Variants in NRG3 observed in about 807,000 individuals in gnomAD.
NRG3 encodes the protein neuregulin 3.
Under a neutral mutation model 66.9 loss-of-function variants are expected in NRG3, and 31 were observed. The ratio of observed to expected loss-of-function variants is 0.46; its 90% CI spans 0.35 to 0.63. NRG3 has a LOEUF of 0.63. Among genes scored for constraint, NRG3 ranks in the 20% least tolerant of loss-of-function variants. The pLI is 0.00. For synonymous variants in NRG3, 393 were observed against 359.4 expected, an observed-to-expected ratio of 1.09 and a Z score of -1.06; for missense variants, 910 against 878.9, an observed-to-expected ratio of 1.04 and a Z score of -0.45.
rs1842768461 is a variant in NRG3, at chr10:82,487,354, A to AT, written c.953+128488dup. On this transcript the variant is annotated intron_variant, in intron 2 of 8. Coordinates refer to ENST00000372141, the MANE Select transcript of NRG3 (RefSeq NM_001010848.4). Reference sequence around the variant, plus strand: ...TTTCCAGTGACTAATTTATGTCTACATTGGGAGGAATGTGTAAGTCTAATA... The same window carrying AT: ...TTTCCAGTGACTAATTTATGTCTACATTTGGGAGGAATGTGTAAGTCTAATA... Among the ~76,000 whole-genome samples, 3 of 152,056 alleles carry AT rather than the reference A, an allele frequency of 2.0e-5. No homozygotes were observed. The South Asian group carries it at 6.2e-4, about 32-fold the overall frequency.
intron 1 of NRG3, among the ~76,000 whole-genome samples, chr10:82,028,115 A>G (rs2062400325): frequency 6.6e-6 from 1 of 152,074 alleles, no homozygotes; most frequent in African/African-American, 2.4e-5. Context: ...TAGTAAGTGA[A>G]ATTCTGAAGT....
chr10:82,278,969 C>G (rs368989592), intron 1 of NRG3, among the ~76,000 whole-genome samples: 3 of 152,076 alleles, frequency 2.0e-5, no homozygotes, highest in Non-Finnish European at 4.4e-5. Context: ...GTCCTATGTG[C>G]TTCTTTTACG....
chr10:82,536,678 A>T (rs1175347828), intron 2 of NRG3, among the ~76,000 whole-genome samples: 1 of 152,060 alleles, frequency 6.6e-6, no homozygotes, highest in Non-Finnish European at 1.5e-5. Flanking sequence ...GATGGAATGA[A>T]TTACCATGTT....
At chr10:81,951,028 T>G (rs1023864931) in intron 1 of NRG3, among the ~76,000 whole-genome samples, 2 of 152,184 alleles carry the variant, frequency 1.3e-5, no homozygotes, top group African/African-American at 4.8e-5. Context: ...ATCGAATATC[T>G]GGATTTGACC....
intron 2 of NRG3, among the ~76,000 whole-genome samples, chr10:82,666,916 T>C (rs573337136): frequency 6.6e-6 from 1 of 152,348 alleles, no homozygotes; most frequent in African/African-American, 2.4e-5. Flanking sequence ...ATACATTATA[T>C]ATACAGAGTG....
At chr10:82,525,386 C>T (rs1846600251) in intron 2 of NRG3, among the ~76,000 whole-genome samples, 1 of 151,784 alleles carries the variant, frequency 6.6e-6, no homozygotes, top group Admixed American at 6.6e-5. Context: ...AGGAAATCCT[C>T]CTAACGTTGA....
At chr10:82,772,592 G>C in intron 3 of NRG3, among the ~76,000 whole-genome samples, 1 of 151,064 alleles carries the variant, frequency 6.6e-6, no homozygotes, top group East Asian at 2.0e-4. Context: ...TTTTCTGTCT[G>C]TGTTTGGCTT....
chr10:82,806,786 A>G (rs2061304196), intron 3 of NRG3, among the ~76,000 whole-genome samples: 1 of 152,210 alleles, frequency 6.6e-6, no homozygotes, highest in Non-Finnish European at 1.5e-5. Context: ...CATAGTACTT[A>G]GGTAAGTCTC....
Position 82,877,537 on chromosome 10 carries a change from CTTTTTT to C in NRG3, c.1054+12118_1054+12123del, listed in dbSNP as rs61471998. 1.3e-4 allele frequency among the ~76,000 whole-genome samples: 10 copies of C among 74,968 alleles called. No individual in the cohort carries two copies. The East Asian group carries it at 2.1e-3, about 16-fold the overall frequency. The allele number at this position is 74,968 out of a possible 152,430, so 49.2% of individuals were successfully genotyped here. ...TACAGGTGCCTGCCACCACACCCGG[CTTTTTT>C]TTTTTTTTTTTTTTTTTGGATTTTT... On this transcript the variant is annotated intron_variant, in intron 4 of 8. Transcript: ENST00000372141.
intron 1 of NRG3, among the ~76,000 whole-genome samples, chr10:81,979,187 CAAAAA>C (rs34468792): frequency 1.9e-3 from 153 of 81,970 alleles, no homozygotes; most frequent in African/African-American, 3.9e-3. Context: ...GACTCCGTCT[CAAAAA>C]AAAAAAAAAA....
At chr10:82,956,265 A>G (rs535624473) in intron 5 of NRG3, among the ~76,000 whole-genome samples, 1 of 152,068 alleles carries the variant, frequency 6.6e-6, no homozygotes, top group South Asian at 2.1e-4. Flanking sequence ...CCACACTGAC[A>G]CTGTTGGGCT....
intron 3 of NRG3, among the ~76,000 whole-genome samples, chr10:82,781,026 G>A (rs556697599): frequency 1.3e-5 from 2 of 152,206 alleles, no homozygotes; most frequent in East Asian, 1.9e-4. Flanking sequence ...CTGCTTTTTC[G>A]TACTGATTTG....
At chr10:82,945,269 C>G (rs983054589) in intron 4 of NRG3, among the ~76,000 whole-genome samples, 1 of 152,072 alleles carries the variant, frequency 6.6e-6, no homozygotes, top group East Asian at 1.9e-4. Flanking sequence ...AATCAGAATA[C>G]CTACATATCA....
Position 82,450,079 on chromosome 10 carries a change from T to G in NRG3, c.953+91211T>G, listed in dbSNP as rs1194625623. 2.6e-5 allele frequency among the ~76,000 whole-genome samples: 4 copies of G among 152,364 alleles called. No homozygotes were observed. The East Asian group carries it at 7.7e-4, about 29-fold the overall frequency. On this transcript the variant is annotated intron_variant, in intron 2 of 8. Coordinates refer to ENST00000372141, the MANE Select transcript of NRG3 (RefSeq NM_001010848.4). ...TCTGTAGAAAAATAAGTTTGAGATA[T>G]GCTTTTACTTTTATACATCAAGTTC...
chr10:82,334,683 A>G (rs1003617082), intron 1 of NRG3, among the ~76,000 whole-genome samples: 4 of 152,216 alleles, frequency 2.6e-5, no homozygotes, highest in African/African-American at 9.7e-5. Context: ...GGTGGATGCA[A>G]ATATCACTGA....
chr10:82,693,184 C>A (rs561729746), intron 2 of NRG3, among the ~76,000 whole-genome samples: 17 of 152,154 alleles, frequency 1.1e-4, no homozygotes, highest in African/African-American at 1.7e-4. Flanking sequence ...TAAAATCCTG[C>A]TAAATTGCAT....
At chr10:82,749,494 A>G (rs2058775518) in intron 3 of NRG3, among the ~76,000 whole-genome samples, 1 of 151,700 alleles carries the variant, frequency 6.6e-6, no homozygotes, top group African/African-American at 2.4e-5. Context: ...GGTTCTTATC[A>G]CTCCTATAAG....
At chr10:82,412,360 A>G (rs1203417552) in intron 2 of NRG3, among the ~76,000 whole-genome samples, 2 of 152,204 alleles carry the variant, frequency 1.3e-5, no homozygotes, top group African/African-American at 4.8e-5. Context: ...CAGTGCATAT[A>G]CAAGTTATGT....
intron 2 of NRG3, among the ~76,000 whole-genome samples, chr10:82,366,445 T>A (rs893375486): frequency 6.6e-6 from 1 of 152,224 alleles, no homozygotes; most frequent in African/African-American, 2.4e-5. Context: ...TTCCTATCGC[T>A]AATTTTAATA....
Sources: gnomAD v4.1 joint callset for allele counts (sites outside exome capture counted in the v4.1 genomes callset) on GRCh38, gnomAD v4.1.1 for gene constraint, MANE v1.5 for transcripts, NCBI Gene and HGNC (gene_info 2026-07-23, HGNC 2026-07-21) for gene names.